ASL: variants seen among roughly 807,000 people sequenced by gnomAD.
The protein encoded by ASL is argininosuccinase.
A neutral mutation model predicts 69.1 loss-of-function variants in ASL; 51 were observed. The observed-to-expected ratio is 0.74, with a 90% CI of 0.59 to 0.93. The LOEUF (loss-of-function observed/expected upper bound fraction) is 0.93, where lower values mean the gene tolerates loss of function less well. Ranked by LOEUF, ASL falls within the 40% of genes least tolerant of loss-of-function variation. ASL has a pLI of 0.00. For missense variants in ASL, 540 were observed against 623.9 expected, an observed-to-expected ratio of 0.87 and a Z score of 1.43; for synonymous variants, 241 against 247.6, an observed-to-expected ratio of 0.97 and a Z score of 0.25.
chr7:66,084,247 C>T lies in ASL; in HGVS notation c.446+1073C>T, dbSNP rs866998414. Among the ~76,000 whole-genome samples the T allele has an allele frequency of 2.0e-4, 31 of 151,424 alleles. No homozygotes were observed. The Middle Eastern group carries it at 0.014, about 66-fold the overall frequency. On this transcript the variant is annotated intron_variant, in intron 6 of 16. Transcript: ENST00000304874. ...CTATCTGAGCTAACTGCAAACTCTG[C>T]CTCCTGGGTTCAAGTGATTCTAGTG...
intron 6 of ASL, 156 bp downstream of exon 6, chr7:66,083,330 G>T: frequency 1.3e-6 from 1 of 741,770 alleles, no homozygotes; most frequent in Non-Finnish European, 2.2e-6. Context: ...GCCAGGAGTG[G>T]GCCATTTCCT....
intron 6 of ASL, among the ~76,000 whole-genome samples, chr7:66,085,935 A>C (rs1786650765): frequency 6.6e-6 from 1 of 152,088 alleles, no homozygotes; most frequent in African/African-American, 2.4e-5. Flanking sequence ...CAAAAAACTA[A>C]AAATTAGCTG....
intron 2 of ASL, among the ~76,000 whole-genome samples, chr7:66,078,327 G>A (rs763406370): frequency 2.0e-4 from 30 of 152,184 alleles, no homozygotes; most frequent in Non-Finnish European, 3.4e-4. Flanking sequence ...CTCAAAGATG[G>A]GGTGGGGGCG....
chr7:66,092,169 C>A, intron 15 of ASL, 83 bp downstream of exon 15: 1 of 1,517,592 alleles, frequency 6.6e-7, no homozygotes, highest in Non-Finnish European at 9.0e-7. Context: ...TGGGTGCAAG[C>A]GGCCCAGCCT....
At chr7:66,084,529 G>C (rs1310627820) in intron 6 of ASL, among the ~76,000 whole-genome samples, 1 of 152,078 alleles carries the variant, frequency 6.6e-6, no homozygotes, top group Non-Finnish European at 1.5e-5. Flanking sequence ...ACCTAGGCTG[G>C]AGTGCAATGG....
At chr7:66,082,031 C>T (rs1786519798) in intron 3 of ASL, 34 bp downstream of exon 3, 7 of 1,571,424 alleles carry the variant, frequency 4.5e-6, no homozygotes, top group Non-Finnish European at 6.0e-6. Context: ...ACCCAAGGCC[C>T]CTTCCCTGTG....
chr7:66,086,847 G>C (rs1018699757), intron 8 of ASL, 26 bp downstream of exon 8: 27 of 1,555,488 alleles, frequency 1.7e-5, no homozygotes, highest in Non-Finnish European at 2.3e-5. Context: ...GTGCCCCGAG[G>C]GCCTGGTGGG....
chr7:66,088,669 C>T (rs532140057), intron 10 of ASL, 138 bp from the exon 11 acceptor site: 20 of 741,416 alleles, frequency 2.7e-5, no homozygotes, highest in South Asian at 2.1e-4. Context: ...ACAGCTTGGG[C>T]GACATAGCAC....
At chr7:66,085,855 G>A (rs1387697858) in intron 6 of ASL, among the ~76,000 whole-genome samples, 2 of 151,918 alleles carry the variant, frequency 1.3e-5, no homozygotes, top group East Asian at 1.9e-4. Flanking sequence ...TGATCTGCCC[G>A]CCTCGGCCTC....
At chr7:66,092,477 A>AT in intron 15 of ASL, 80 bp from the exon 16 acceptor site, 7 of 1,135,714 alleles carry the variant, frequency 6.2e-6, no homozygotes, top group Middle Eastern at 2.9e-4. Context: ...AAAAAAAAAA[A>AT]GGAAGGGGGT....
intron 2 of ASL, among the ~76,000 whole-genome samples, chr7:66,076,766 C>T (rs1417493394): frequency 1.3e-5 from 2 of 152,136 alleles, no homozygotes; most frequent in Non-Finnish European, 2.9e-5. Context: ...CTGTCGGCCT[C>T]ACTCTGTAAG....
At position 66,092,810 on chromosome 7, in the gene ASL, G is replaced by A. The variant is rs977248418; in HGVS notation, c.1293G>A (p.Gly431=). The A allele has an allele frequency of 8.1e-6, 13 of 1,613,768 alleles. No homozygotes were observed. In the Admixed American group the frequency reaches 1.7e-4, roughly 21 times the overall value. Residue 431 remains glycine (G), a synonymous_variant, in exon 17 of 17, where the codon GGG becomes GGA. Coordinates refer to ENST00000304874, the MANE Select transcript of ASL (RefSeq NM_000048.4). ...SGDVICVWDY[G]HSVEQYGALG... is the part of the protein sequence containing the mutation. Reference sequence around the variant, plus strand: ...ACGTGATCTGCGTGTGGGACTACGGGCACAGTGTGGAGCAGTATGGTGCCC... The same window carrying A: ...ACGTGATCTGCGTGTGGGACTACGGACACAGTGTGGAGCAGTATGGTGCCC...
chr7:66,087,508 C>T, intron 9 of ASL, 122 bp downstream of exon 9: 1 of 1,292,402 alleles, frequency 7.7e-7, no homozygotes, highest in Non-Finnish European at 1.1e-6. Flanking sequence ...CATTCATTGC[C>T]TATGGGCACT....
At chr7:66,084,781 G>A (rs975884497) in intron 6 of ASL, among the ~76,000 whole-genome samples, 17 of 152,148 alleles carry the variant, frequency 1.1e-4, no homozygotes, top group African/African-American at 3.6e-4. Context: ...CACCACGCCC[G>A]GCTAATTTTT....
intron 2 of ASL, among the ~76,000 whole-genome samples, chr7:66,077,653 C>T (rs752762291): frequency 1.8e-4 from 27 of 151,864 alleles, no homozygotes; most frequent in Non-Finnish European, 2.9e-4. Flanking sequence ...CGCTTGAACT[C>T]GGGAGGCGGA....
In ASL at chr7:66,086,899, G is replaced by A. The variant is rs1259106468; in HGVS notation, c.602+78G>A. On this transcript the variant is annotated intron_variant, in intron 8 of 16. Transcript: ENST00000304874. ...CCTTAGGGATTGACAGAGCTGGGAAGTGCAGAGTGGGACAGAAAACCGCCT... is the reference window on the plus strand; with the variant it reads ...CCTTAGGGATTGACAGAGCTGGGAAATGCAGAGTGGGACAGAAAACCGCCT... 11 of 1,489,352 alleles carry A rather than the reference G, an allele frequency of 7.4e-6. No homozygotes were observed. The East Asian group carries it at 1.2e-4, about 17-fold the overall frequency. 92.3% of individuals were successfully genotyped at this position (1,489,352 alleles called of 1,614,324 possible). A position where few individuals can be genotyped will look rare whatever the true frequency, so the allele number is the denominator to read the frequency against.
intron 3 of ASL, 125 bp downstream of exon 3, chr7:66,082,122 C>A: frequency 8.0e-7 from 1 of 1,246,882 alleles, no homozygotes; most frequent in Non-Finnish European, 1.1e-6. Context: ...ATTATATACT[C>A]AAGTGCTGTT....
intron 10 of ASL, 84 bp from the exon 11 acceptor site, chr7:66,088,723 A>T: frequency 1.7e-6 from 2 of 1,190,814 alleles, no homozygotes; most frequent in Non-Finnish European, 2.5e-6. Context: ...GGGTCCCCCC[A>T]CCGCCTAACC....
At chr7:66,076,874 G>C (rs1177113119) in intron 2 of ASL, among the ~76,000 whole-genome samples, 1 of 152,188 alleles carries the variant, frequency 6.6e-6, no homozygotes, top group African/African-American at 2.4e-5. Context: ...GGAGGTCTGG[G>C]TTCCAGGCCC....
Sources: gnomAD v4.1 joint callset for allele counts (sites outside exome capture counted in the v4.1 genomes callset) on GRCh38, gnomAD v4.1.1 for gene constraint, MANE v1.5 for transcripts, NCBI Gene and HGNC (gene_info 2026-07-23, HGNC 2026-07-21) for gene names.